HOOK3: variants seen among roughly 807,000 people sequenced by gnomAD.
HOOK3 encodes the protein hook microtubule tethering protein 3.
In HOOK3, 24 loss-of-function variants were observed where a neutral mutation model predicts 116.3. The ratio of observed to expected loss-of-function variants is 0.21; its 90% confidence interval spans 0.15 to 0.29. HOOK3 has a LOEUF of 0.29. Among genes scored for constraint, HOOK3 ranks in the 10% least tolerant of loss-of-function variants. The probability of loss-of-function intolerance (pLI) is 1.00; values close to 1 mark genes in which losing one functional copy is unlikely to be tolerated. For missense variants in HOOK3, 632 were observed against 830.2 expected (o/e 0.76, Z 2.93); for synonymous variants, 275 against 283.0 (o/e 0.97, Z 0.28).
Position 42,921,677 on chromosome 8 carries a change from T to G in HOOK3, c.144-3880T>G, listed in dbSNP as rs139279471. Among the ~76,000 whole-genome samples, 970 of 152,270 alleles carry G rather than the reference T, an allele frequency of 6.4e-3. 19 individuals carry two copies. Among genetic ancestry groups the G allele is most frequent in the African/African-American group, 0.022 (928 of 41,550 alleles). ...ATTGGACCAGGAATGAAAAAGAGAC[T>G]CTTTGGATCATTGAGGTTTTCCTGG... On this transcript the variant is annotated intron_variant, in intron 2 of 21. Transcript: ENST00000307602.
At chr8:42,920,921 T>C (rs937668983) in intron 2 of HOOK3, among the ~76,000 whole-genome samples, 10 of 152,208 alleles carry the variant, frequency 6.6e-5, no homozygotes, top group African/African-American at 2.4e-4. Flanking sequence ...TCATACATGG[T>C]GTATATGATA....
intron 14 of HOOK3, among the ~76,000 whole-genome samples, chr8:42,985,567 TTTTCA>T (rs1005060329): frequency 1.3e-5 from 2 of 152,178 alleles, no homozygotes; most frequent in Non-Finnish European, 2.9e-5. Flanking sequence ...TTATATTTTC[TTTTCA>T]TTTGTCTTCT....
chr8:42,910,903 G>A (rs969868546), intron 2 of HOOK3, among the ~76,000 whole-genome samples: 1 of 152,134 alleles, frequency 6.6e-6, no homozygotes, highest in African/African-American at 2.4e-5. Flanking sequence ...TTTACACAAG[G>A]TATATTTTTA....
In HOOK3 at chr8:43,021,327, G is replaced by A. The variant is rs560283481; in HGVS notation, c.*2829G>A. 10 of 187,428 alleles carry A rather than the reference G, an allele frequency of 5.3e-5. No homozygotes were observed. The South Asian group carries it at 9.9e-4, about 19-fold the overall frequency. The allele number at this position is 187,428 out of a possible 1,614,324, so 11.6% of individuals were successfully genotyped here. On this transcript the variant is annotated 3_prime_UTR_variant, in exon 22 of 22. Transcript: ENST00000307602. ...TCTGACTTTTTTTTCCCCCCGAGACGGAGCCTCGTTCCGTCACCCAGGCTG... is the reference window on the plus strand; with the variant it reads ...TCTGACTTTTTTTTCCCCCCGAGACAGAGCCTCGTTCCGTCACCCAGGCTG...
chr8:42,973,200 AT>A, intron 11 of HOOK3, 88 bp from the exon 12 acceptor site: 3 of 1,392,816 alleles, frequency 2.2e-6, no homozygotes, highest in Non-Finnish European at 2.9e-6. Flanking sequence ...GGTGGGAGAG[AT>A]TTTGGTTTTC....
intron 1 of HOOK3, among the ~76,000 whole-genome samples, chr8:42,904,742 CCTGT>C (rs954221886): frequency 2.7e-4 from 41 of 152,122 alleles, no homozygotes; most frequent in South Asian, 2.3e-3. Context: ...AGTTTTTTGC[CCTGT>C]CTTTCACCGT....
chr8:42,971,141 G>A (rs1488647602), intron 11 of HOOK3, among the ~76,000 whole-genome samples: 1 of 151,658 alleles, frequency 6.6e-6, no homozygotes, highest in Non-Finnish European at 1.5e-5. Flanking sequence ...CAGCATAACT[G>A]GACTTCAGTA....
chr8:42,962,796 C>CTTTTTTT (rs34722373), intron 8 of HOOK3, among the ~76,000 whole-genome samples: 21 of 99,334 alleles, frequency 2.1e-4, no homozygotes, highest in East Asian at 2.8e-4. Context: ...ACTTCTTCTT[C>CTTTTTTT]TTTTTTTTTT....
chr8:42,936,721 TA>T (rs1286644599), intron 4 of HOOK3, among the ~76,000 whole-genome samples: 1 of 152,240 alleles, frequency 6.6e-6, no homozygotes, highest in African/African-American at 2.4e-5. Flanking sequence ...GAACCAGCCT[TA>T]CATCCCAGGG....
chr8:42,933,055 A>G (rs796619139), intron 4 of HOOK3, among the ~76,000 whole-genome samples: 6 of 152,322 alleles, frequency 3.9e-5, no homozygotes, highest in African/African-American at 7.2e-5. Context: ...CCATAGTTCT[A>G]TTTCTAGAAA....
chr8:43,012,585 A>G (rs1350446033), intron 19 of HOOK3, among the ~76,000 whole-genome samples: 2 of 152,154 alleles, frequency 1.3e-5, no homozygotes, highest in Non-Finnish European at 2.9e-5. Flanking sequence ...ACAACAATTA[A>G]TACTATTTCA....
At position 42,968,126 on chromosome 8, in the gene HOOK3, C is replaced by T; in HGVS notation, c.1034C>T (p.Thr345Ile). ...GTTAAACTCTTAGAAGAGAAGAATA[C>T]CATGTATATGCAGAATACTGTCAGT... ...RQVKLLEEKN[T>I]MYMQNTVSLE... is the part of the protein sequence containing the mutation. The change falls in exon 11 of 22, where the codon ACC becomes ATC. Residue 345 changes from threonine to isoleucine, a missense_variant. By Grantham distance (89) the Thr-to-Ile change is moderately conservative. Transcript: ENST00000307602. 6.2e-7 allele frequency: 1 copy of T among 1,612,564 alleles called. No homozygotes were observed. Among genetic ancestry groups the T allele is most frequent in the Non-Finnish European group, 8.5e-7 (1 of 1,178,726 alleles).
chr8:42,971,381 C>G (rs973385926), intron 11 of HOOK3, among the ~76,000 whole-genome samples: 7 of 152,082 alleles, frequency 4.6e-5, no homozygotes, highest in Non-Finnish European at 1.0e-4. Flanking sequence ...ATTCTCCTGC[C>G]TCAGCCTCCC....
chr8:42,945,576 G>A lies in HOOK3; in HGVS notation c.400+2131G>A, dbSNP rs1388455352. Among the ~76,000 whole-genome samples, 4 of 152,174 alleles carry A rather than the reference G, an allele frequency of 2.6e-5. No homozygotes were observed. The East Asian group carries it at 5.8e-4, about 22-fold the overall frequency. On this transcript the variant is annotated intron_variant, in intron 5 of 21. Transcript: ENST00000307602. ...TCCACCCGCCTTGGCTTCCCAAAGT[G>A]CTAGGATTACAGGCATGAGCCACCA...
intron 2 of HOOK3, among the ~76,000 whole-genome samples, chr8:42,913,275 C>G (rs982637670): frequency 2.0e-5 from 3 of 152,140 alleles, no homozygotes; most frequent in African/African-American, 4.8e-5. Context: ...CCCTTTGTAA[C>G]CCCTTCTTTC....
chr8:42,941,742 C>A (rs1180093540), intron 4 of HOOK3, among the ~76,000 whole-genome samples: 1 of 152,056 alleles, frequency 6.6e-6, no homozygotes, highest in Admixed American at 6.6e-5. Flanking sequence ...ATGCCTCCCC[C>A]ATCCTGACCC....
chr8:42,917,068 C>T (rs1427320991), intron 2 of HOOK3, among the ~76,000 whole-genome samples: 2 of 152,176 alleles, frequency 1.3e-5, no homozygotes, highest in African/African-American at 2.4e-5. Flanking sequence ...CCCATGACCC[C>T]GTGCTCCCTT....
intron 15 of HOOK3, among the ~76,000 whole-genome samples, chr8:42,996,743 A>G (rs1035958523): frequency 6.6e-6 from 1 of 152,194 alleles, no homozygotes; most frequent in Non-Finnish European, 1.5e-5. Context: ...TTTCAAGCCC[A>G]GAGTATTTTA....
intron 11 of HOOK3, among the ~76,000 whole-genome samples, chr8:42,970,504 C>T (rs1010858247): frequency 3.9e-5 from 6 of 152,140 alleles, no homozygotes; most frequent in African/African-American, 1.4e-4. Flanking sequence ...TGATACCTTT[C>T]CGTGGTCTTC....
Sources: gnomAD v4.1 joint callset for allele counts (sites outside exome capture counted in the v4.1 genomes callset) on GRCh38, gnomAD v4.1.1 for gene constraint, MANE v1.5 for transcripts, NCBI Gene and HGNC (gene_info 2026-07-23, HGNC 2026-07-21) for gene names.